SPG21: variants seen among roughly 807,000 people sequenced by gnomAD.
The protein encoded by SPG21 is SPG21 abhydrolase domain containing, maspardin, also known as maspardin.
Under a neutral mutation model 38.9 loss-of-function variants are expected in SPG21, and 26 were observed. That is an observed-to-expected ratio of 0.67 (90% confidence interval 0.49 to 0.93). The LOEUF is 0.93. Among genes scored for constraint, SPG21 ranks in the 40% least tolerant of loss-of-function variants. The pLI is 0.00. For missense variants in SPG21, 333 were observed against 376.5 expected (o/e 0.88, Z 0.96); for synonymous variants, 136 against 128.9 (o/e 1.05, Z -0.37).
chr15:64,967,186 C>A (rs774083174), intron 7 of SPG21, among the ~76,000 whole-genome samples: 1 of 150,612 alleles, frequency 6.6e-6, no homozygotes, highest in Non-Finnish European at 1.5e-5. Context: ...CTACTTCAAA[C>A]GATATGTCCA....
intron 7 of SPG21, among the ~76,000 whole-genome samples, chr15:64,966,301 G>A (rs2085538962): frequency 6.6e-6 from 1 of 151,998 alleles, no homozygotes; most frequent in African/African-American, 2.4e-5. Context: ...GTTTTTACAT[G>A]CAACAAAATT....
chr15:64,988,780 A>G (rs576716050), intron 1 of SPG21: 1 of 152,498 alleles, frequency 6.6e-6, no homozygotes, highest in South Asian at 2.1e-4. Context: ...CAGGAGATCG[A>G]GGCCATCCTG....
chr15:64,965,485 A>G (rs1246620804), intron 7 of SPG21, 25 bp from the exon 8 acceptor site: 1 of 1,614,156 alleles, frequency 6.2e-7, no homozygotes, highest in South Asian at 1.1e-5. Context: ...AAGCTTCAGC[A>G]CCATAGGAAA....
intron 1 of SPG21, among the ~76,000 whole-genome samples, chr15:64,986,780 A>G (rs1448862599): frequency 6.6e-6 from 1 of 152,206 alleles, no homozygotes; most frequent in African/African-American, 2.4e-5. Flanking sequence ...TAAGCTGATT[A>G]TAACTTTTAA....
intron 1 of SPG21, among the ~76,000 whole-genome samples, chr15:64,986,503 T>C (rs964878411): frequency 1.3e-5 from 2 of 151,970 alleles, no homozygotes; most frequent in African/African-American, 2.4e-5. Flanking sequence ...CTGACCAACA[T>C]GGCGAAACCC....
rs751352955 is a variant in SPG21, at chr15:64,976,568, C to T, written c.226-13G>A. 5.7e-6 allele frequency: 9 copies of T among 1,589,574 alleles called. No individual in the cohort carries two copies. The highest frequency in any genetic ancestry group is 4.5e-5 in the East Asian group (2 of 44,686). On this transcript the variant is annotated splice_polypyrimidine_tract_variant and intron_variant, in intron 3 of 8. Coordinates refer to ENST00000204566, the MANE Select transcript of SPG21 (RefSeq NM_016630.7). ...CTGGATACTGCAACTGAAATAATAA[C>T]GATAATTTTATTTTTAAAAATCATA...
intron 8 of SPG21, among the ~76,000 whole-genome samples, chr15:64,964,149 T>C (rs1047436275): frequency 6.6e-6 from 1 of 152,174 alleles, no homozygotes; most frequent in Non-Finnish European, 1.5e-5. Flanking sequence ...AGTGGACAAA[T>C]GTTTTATACT....
chr15:64,989,856 C>G lies in SPG21; in HGVS notation c.-216G>C, dbSNP rs1041986062. On this transcript the variant is annotated 5_prime_UTR_variant, in exon 1 of 9. Transcript: ENST00000204566. ...TGAGGGGGCGGGGCGCGTGGCCGAG[C>G]GAGCTTGGGCCGCCGCGCTCCCCCC... The G allele has an allele frequency of 1.3e-5, 2 of 151,932 alleles. No individual in the cohort carries two copies. The highest frequency in any genetic ancestry group is 4.8e-5 in the African/African-American group (2 of 41,402). The allele number at this position is 151,932 out of a possible 1,614,324, so 9.4% of individuals were successfully genotyped here. A position where few individuals can be genotyped will look rare whatever the true frequency, so the allele number is the denominator to read the frequency against.
At chr15:64,980,222 C>T (rs575777701) in intron 3 of SPG21, among the ~76,000 whole-genome samples, 9 of 152,084 alleles carry the variant, frequency 5.9e-5, no homozygotes, top group Non-Finnish European at 1.0e-4. Context: ...CTGTGTGAGC[C>T]GGACCTCAGT....
intron 5 of SPG21, among the ~76,000 whole-genome samples, chr15:64,971,367 G>A (rs1297269529): frequency 2.6e-5 from 4 of 151,822 alleles, no homozygotes; most frequent in Non-Finnish European, 4.4e-5. Flanking sequence ...GTGAAACCCC[G>A]TCTCCACTAA....
At chr15:64,985,316 C>A (rs2085969433) in intron 1 of SPG21, among the ~76,000 whole-genome samples, 1 of 152,154 alleles carries the variant, frequency 6.6e-6, no homozygotes, top group Non-Finnish European at 1.5e-5. Context: ...ACCACTGTGT[C>A]CCCAAAGCTT....
intron 3 of SPG21, among the ~76,000 whole-genome samples, chr15:64,977,692 T>C (rs1036084867): frequency 1.3e-5 from 2 of 151,390 alleles, no homozygotes; most frequent in Non-Finnish European, 2.9e-5. Context: ...CTACTGTACT[T>C]CTGTTTGTGA....
intron 1 of SPG21, among the ~76,000 whole-genome samples, chr15:64,988,244 C>CA (rs900909529): frequency 2.6e-5 from 4 of 151,986 alleles, no homozygotes; most frequent in African/African-American, 9.7e-5. Context: ...AACAAACAAA[C>CA]AAAAAAACCT....
At chr15:64,977,483 C>T (rs568326727) in intron 3 of SPG21, among the ~76,000 whole-genome samples, 1 of 152,226 alleles carries the variant, frequency 6.6e-6, no homozygotes, top group African/African-American at 2.4e-5. Flanking sequence ...CCTCAGCCCC[C>T]CGGTAGCTGG....
rs115874058 is a variant in SPG21 at position 64,983,680 on chromosome 15, A to G, written c.-24-87T>C. 2.5e-3 allele frequency: 2,152 copies of G among 845,646 alleles called. 48 individuals are homozygous for G. In the African/African-American group the frequency reaches 0.034, roughly 13 times the overall value. The allele number at this position is 845,646 out of a possible 1,614,324, so 52.4% of individuals were successfully genotyped here. ...AGAGTCTCATCTAGCTATACCAACAATATTTTAAAGAAGAAAGCCAAGGAA... is the reference window on the plus strand; with the variant it reads ...AGAGTCTCATCTAGCTATACCAACAGTATTTTAAAGAAGAAAGCCAAGGAA... On this transcript the variant is annotated intron_variant, in intron 1 of 8. Transcript: ENST00000204566.
rs76896510 is a variant in SPG21 at position 64,981,108 on chromosome 15, A to G, written c.64-83T>C. 1.4e-3 allele frequency: 2,137 copies of G among 1,520,746 alleles called. 16 individuals are homozygous for G. The African/African-American group carries it at 0.026, about 18-fold the overall frequency. 94.2% of individuals were successfully genotyped at this position (1,520,746 alleles called of 1,614,324 possible). A position where few individuals can be genotyped will look rare whatever the true frequency, so the allele number is the denominator to read the frequency against. On this transcript the variant is annotated intron_variant, in intron 2 of 8. Coordinates refer to ENST00000204566, the MANE Select transcript of SPG21 (RefSeq NM_016630.7). ...ATTTTACACTGTCATTTCACTGACA[A>G]TTTTACTACTACTGCCTTGTTTGTT...
At chr15:64,985,844 G>C (rs973917127) in intron 1 of SPG21, among the ~76,000 whole-genome samples, 1 of 152,206 alleles carries the variant, frequency 6.6e-6, no homozygotes, top group Non-Finnish European at 1.5e-5. Context: ...ACCCCGAGGA[G>C]ACAGCAGATG....
At chr15:64,966,481 G>A (rs948271630) in intron 7 of SPG21, among the ~76,000 whole-genome samples, 1 of 152,194 alleles carries the variant, frequency 6.6e-6, no homozygotes, top group Admixed American at 6.5e-5. Flanking sequence ...GTCCTGTGAG[G>A]ACCATTGAAA....
intron 3 of SPG21, 90 bp downstream of exon 3, chr15:64,980,774 G>A: frequency 1.6e-6 from 2 of 1,269,250 alleles, no homozygotes; most frequent in South Asian, 2.6e-5. Context: ...CAAACAAACT[G>A]TGCCCATTAC....
Sources: gnomAD v4.1 joint callset for allele counts (sites outside exome capture counted in the v4.1 genomes callset) on GRCh38, gnomAD v4.1.1 for gene constraint, MANE v1.5 for transcripts, NCBI Gene and HGNC (gene_info 2026-07-23, HGNC 2026-07-21) for gene names.